The following RYR1 variants were observed in gnomAD, a reference collection of about 807,000 sequenced individuals.
The protein encoded by RYR1 is central core disease of muscle.
In RYR1, 342 loss-of-function variants were observed where a neutral mutation model predicts 583.5. That is an observed-to-expected ratio of 0.59 (90% CI 0.54 to 0.64). RYR1 has a LOEUF of 0.64. Among genes scored for constraint, RYR1 ranks in the 30% least tolerant of loss-of-function variants. The pLI, the probability that RYR1 is intolerant of heterozygous loss-of-function variation, is 0.00. For synonymous variants in RYR1, 2,791 were observed against 2,822.5 expected (o/e 0.99, Z 0.35); for missense variants, 6,032 against 6,917.2 (o/e 0.87, Z 4.54).
intron 70 of RYR1, 88 bp from the exon 71 acceptor site, chr19:38,525,243 TG>T: frequency 6.6e-7 from 1 of 1,506,808 alleles, no homozygotes. Context: ...GTGTCCAGAC[TG>T]GGGCCTGGGG....
Position 38,567,069 on chromosome 19 carries a change from A to C in RYR1, c.13514+82A>C, listed in dbSNP as rs1461061558. 18 of 1,543,694 alleles carry C rather than the reference A, an allele frequency of 1.2e-5. No individual in the cohort carries two copies. The Admixed American group carries it at 3.5e-4, about 30-fold the overall frequency. ...AGGAGCCTCCAGAGGTCAGGCCCCA[A>C]GGCTGTCCTGGCCACCCTGTGTCCT... On this transcript the variant is annotated intron_variant, in intron 92 of 105. Transcript: ENST00000359596.
rs760867702 is a variant in RYR1, at chr19:38,440,873, A to G, written c.165+9A>G. 2.5e-6 allele frequency: 4 copies of G among 1,609,750 alleles called. No individual in the cohort carries two copies. The South Asian group carries it at 3.3e-5, about 13-fold the overall frequency. On this transcript the variant is annotated intron_variant, in intron 2 of 105. Coordinates refer to ENST00000359596, the MANE Select transcript of RYR1 (RefSeq NM_000540.3). ...CCACTAGCAACGCGCAGGTCTGTGC[A>G]GGAGGGAGAGGGGCCTGGGGACAGG...
chr19:38,581,330 G>A (rs1248065554), intron 101 of RYR1, among the ~76,000 whole-genome samples: 1 of 152,124 alleles, frequency 6.6e-6, no homozygotes, highest in Non-Finnish European at 1.5e-5. Flanking sequence ...GCCCGCCTGG[G>A]CCTCCCAAAG....
At chr19:38,446,902 G>A in intron 9 of RYR1, 134 bp downstream of exon 9, 1 of 699,834 alleles carries the variant, frequency 1.4e-6, no homozygotes, top group Non-Finnish European at 2.4e-6. Context: ...AGCAGCCTGA[G>A]AGAGAGATGA....
At chr19:38,505,218 C>G (rs1488106589) in intron 52 of RYR1, 91 bp from the exon 53 acceptor site, 3 of 1,178,218 alleles carry the variant, frequency 2.5e-6, no homozygotes, top group Non-Finnish European at 3.7e-6. Context: ...CTGGGACCCC[C>G]CCAGGATTCT....
chr19:38,528,253 G>C, intron 73 of RYR1, 53 bp from the exon 74 acceptor site: 1 of 1,470,428 alleles, frequency 6.8e-7, no homozygotes, highest in Non-Finnish European at 9.5e-7. Context: ...CCAGGGCTGG[G>C]AGTGAGAGGG....
At position 38,565,185 on chromosome 19, in the gene RYR1, G is replaced by C. The variant is rs1054320611; in HGVS notation, c.12851G>C (p.Gly4284Ala). 2 of 1,117,946 alleles carry C rather than the reference G, an allele frequency of 1.8e-6. No homozygotes were observed. Among genetic ancestry groups the C allele is most frequent in the Non-Finnish European group, 2.2e-6 (2 of 915,776 alleles). 69.3% of individuals were successfully genotyped at this position (1,117,946 alleles called of 1,614,324 possible). Residue 4284 changes from glycine to alanine, a missense_variant, in exon 91 of 106, where the codon GGC (glycine) becomes GCC (alanine). Gly to Ala is a moderately conservative substitution (Grantham distance 60). Around this residue, in one of 11 missense-constraint regions of RYR1, gnomAD observed 753 missense variants for 759.6 expected, o/e 0.99. Coordinates refer to ENST00000359596, the MANE Select transcript of RYR1 (RefSeq NM_000540.3). The surrounding 1 kb of genome is among the most constrained non-coding windows in gnomAD (Gnocchi z 4.7). Reference sequence around the variant, plus strand: ...GAGGAGGGCGCGGCGGGGCTCGAGGGCACGGCGGCCACGGCGGCGGCGGGG... The same window carrying C: ...GAGGAGGGCGCGGCGGGGCTCGAGGCCACGGCGGCCACGGCGGCGGCGGGG... ...GAEEGAAGLE[G>A]TAATAAAGAT...
At chr19:38,471,482 G>A (rs1384178980) in intron 27 of RYR1, among the ~76,000 whole-genome samples, 2 of 152,200 alleles carry the variant, frequency 1.3e-5, no homozygotes, top group East Asian at 3.8e-4. Flanking sequence ...GTGAGCCGTG[G>A]TTGCACCACA....
At chr19:38,582,407 GA>G (rs918321166) in intron 101 of RYR1, among the ~76,000 whole-genome samples, 74 of 139,104 alleles carry the variant, frequency 5.3e-4, no homozygotes, top group East Asian at 8.3e-4. Flanking sequence ...CAAAAAAAAG[GA>G]AAAAAAAAAA....
intron 87 of RYR1, among the ~76,000 whole-genome samples, chr19:38,545,018 C>A (rs1600992868): frequency 1.3e-5 from 2 of 152,242 alleles, no homozygotes; most frequent in East Asian, 3.9e-4. Context: ...CTCCTATCCA[C>A]TCTACTTCTT....
rs747337318 is a variant in RYR1 at position 38,502,924 on chromosome 19, T to G, written c.7880T>G (p.Val2627Gly). ...CTGCAGCACCTGTTGCGCCGCCTGG[T>G]GTTCGACGTGCCCATCCTCAACGAG... ...SMLQHLLRRL[V>G]FDVPILNEFA... The change falls in exon 49 of 106, where the codon GTG becomes GGG. Residue 2627 changes from valine to glycine, a missense_variant. Physicochemically the swap from Val to Gly is moderately radical, Grantham distance 109. Around this residue, in one of 11 missense-constraint regions of RYR1, gnomAD observed 250 missense variants for 162.3 expected, o/e 1.54. Transcript: ENST00000359596. The G allele has an allele frequency of 3.2e-5, 51 of 1,611,624 alleles. No homozygotes were observed. The highest frequency in any genetic ancestry group is 3.3e-4 in the Middle Eastern group (2 of 6,084).
At chr19:38,523,155 A>G (rs768800003) in intron 68 of RYR1, 40 bp downstream of exon 68, 1 of 1,613,758 alleles carries the variant, frequency 6.2e-7, no homozygotes, top group Non-Finnish European at 8.5e-7. Context: ...CAACCAGAGG[A>G]GCCGCAGCCC....
At chr19:38,453,035 G>A in intron 13 of RYR1, 21 bp downstream of exon 13, 9 of 1,611,962 alleles carry the variant, frequency 5.6e-6, no homozygotes, top group Non-Finnish European at 6.8e-6. Context: ...GGCGAGGGCG[G>A]AGCGGGGCCT....
intron 42 of RYR1, among the ~76,000 whole-genome samples, chr19:38,497,739 C>T (rs927091203): frequency 3.3e-5 from 5 of 152,036 alleles, no homozygotes; most frequent in South Asian, 2.1e-4. Flanking sequence ...TTTGGGAGGC[C>T]GAGGCAGGAG....
At chr19:38,517,295 GGCCAGGGCACTGA>G in intron 65 of RYR1, 51 bp from the exon 66 acceptor site, 6 of 1,537,510 alleles carry the variant, frequency 3.9e-6, no homozygotes, top group Non-Finnish European at 4.4e-6. Flanking sequence ...TTGCGGGGGA[GGCCAGGGCACTGA>G]GGTCTGGGGG....
chr19:38,434,600 C>T (rs1326883763), intron 1 of RYR1, among the ~76,000 whole-genome samples: 1 of 152,132 alleles, frequency 6.6e-6, no homozygotes, highest in East Asian at 1.9e-4. Flanking sequence ...TGCATCTGAG[C>T]CCCAGCTGGG....
intron 72 of RYR1, 78 bp downstream of exon 72, chr19:38,527,130 C>A: frequency 1.3e-6 from 2 of 1,513,308 alleles, no homozygotes; most frequent in South Asian, 1.2e-5. Flanking sequence ...GAGCATTTAC[C>A]AAAGACCAGG....
intron 1 of RYR1, among the ~76,000 whole-genome samples, chr19:38,438,370 G>A (rs1972516303): frequency 7.1e-6 from 1 of 140,916 alleles, no homozygotes; most frequent in East Asian, 2.1e-4. Context: ...GAGGATTTAA[G>A]CTCCCTGAGG....
At chr19:38,489,081 G>T in intron 34 of RYR1, 96 bp from the exon 35 acceptor site, 2 of 1,055,796 alleles carry the variant, frequency 1.9e-6, no homozygotes, top group South Asian at 1.3e-5. Context: ...AGGAATGATT[G>T]GCATGTGCAT....
Sources: allele counts gnomAD v4.1 joint callset (sites outside exome capture counted in the v4.1 genomes callset), GRCh38; gene constraint gnomAD v4.1.1; regional missense constraint gnomAD v4.1.1; non-coding constraint Gnocchi (gnomAD v3.1); transcripts MANE v1.5; gene names NCBI Gene and HGNC (gene_info 2026-07-23, HGNC 2026-07-21).